Variants in AFG1L observed in about 807,000 individuals in gnomAD.
The protein encoded by AFG1L is AFG1 like ATPase.
In AFG1L, 53 loss-of-function variants were observed where a neutral mutation model predicts 62.2. The ratio of observed to expected loss-of-function variants is 0.85; its 90% CI spans 0.68 to 1.07. The LOEUF (loss-of-function observed/expected upper bound fraction) is 1.07. Ranked by LOEUF, AFG1L falls within the 50% of genes least tolerant of loss-of-function variation. The pLI is 0.00. For synonymous variants in AFG1L, 228 were observed against 210.3 expected (o/e 1.08, Z -0.73); for missense variants, 555 against 590.5 (o/e 0.94, Z 0.62).
At chr6:108,499,123 C>T (rs559954417) in intron 10 of AFG1L, among the ~76,000 whole-genome samples, 17 of 148,390 alleles carry the variant, frequency 1.1e-4, no homozygotes, top group Admixed American at 2.0e-4. Context: ...GGCTGGAGTA[C>T]AGTGGCGCCA....
chr6:108,451,590 G>A (rs1772056093), intron 8 of AFG1L, among the ~76,000 whole-genome samples: 1 of 152,174 alleles, frequency 6.6e-6, no homozygotes, highest in South Asian at 2.1e-4. Flanking sequence ...ACAAAACAGA[G>A]ACCTTGATTG....
At chr6:108,491,955 C>A (rs547049141) in intron 10 of AFG1L, among the ~76,000 whole-genome samples, 2 of 152,106 alleles carry the variant, frequency 1.3e-5, no homozygotes, top group South Asian at 4.2e-4. Context: ...TGGACTCTCA[C>A]AAAGAAAGCA....
At chr6:108,310,771 C>T (rs1447434729) in intron 1 of AFG1L, among the ~76,000 whole-genome samples, 2 of 151,912 alleles carry the variant, frequency 1.3e-5, no homozygotes, top group Non-Finnish European at 2.9e-5. Flanking sequence ...GATGGGGTTT[C>T]GCCATGTTGG....
At chr6:108,382,491 A>G (rs561874799) in intron 6 of AFG1L, among the ~76,000 whole-genome samples, 1 of 152,318 alleles carries the variant, frequency 6.6e-6, no homozygotes, top group South Asian at 2.1e-4. Flanking sequence ...CACACATACT[A>G]ATTTTAATTT....
At chr6:108,313,375 C>T (rs372702366) in intron 1 of AFG1L, among the ~76,000 whole-genome samples, 2 of 152,150 alleles carry the variant, frequency 1.3e-5, no homozygotes, top group South Asian at 4.2e-4. Context: ...TTGTGAAGAT[C>T]GAATCAGTTA....
intron 8 of AFG1L, among the ~76,000 whole-genome samples, chr6:108,476,479 C>T (rs1196379411): frequency 6.6e-6 from 1 of 152,108 alleles, no homozygotes; most frequent in East Asian, 1.9e-4. Flanking sequence ...TCACATGTAC[C>T]CTCTCAGTAG....
intron 5 of AFG1L, among the ~76,000 whole-genome samples, chr6:108,364,312 G>C (rs1779666161): frequency 6.6e-6 from 1 of 152,198 alleles, no homozygotes; most frequent in Non-Finnish European, 1.5e-5. Context: ...ATTAGTCATA[G>C]CTTCTCCAAG....
At chr6:108,416,272 C>T (rs1770267838) in intron 7 of AFG1L, among the ~76,000 whole-genome samples, 1 of 152,142 alleles carries the variant, frequency 6.6e-6, no homozygotes, top group African/African-American at 2.4e-5. Context: ...AGTCAGGAAA[C>T]AACAGGTGCT....
chr6:108,400,847 GCAAATATATATAATATATAAAATA>G (rs1781564156), intron 6 of AFG1L, among the ~76,000 whole-genome samples: 1 of 21,772 alleles, frequency 4.6e-5, no homozygotes, highest in African/African-American at 4.7e-4. Context: ...TATATATAAT[GCAAATATATATAATATATAAAATA>G]TATATTTATA....
intron 11 of AFG1L, among the ~76,000 whole-genome samples, chr6:108,512,070 G>A (rs1256074831): frequency 6.6e-6 from 1 of 152,178 alleles, no homozygotes; most frequent in Non-Finnish European, 1.5e-5. Flanking sequence ...AGAACCATGT[G>A]GCCTACTTAA....
At chr6:108,491,509 T>C (rs1773779984) in intron 10 of AFG1L, among the ~76,000 whole-genome samples, 1 of 152,120 alleles carries the variant, frequency 6.6e-6, no homozygotes, top group Admixed American at 6.6e-5. Context: ...AGGGCAAAAA[T>C]AGTACTTTAC....
In AFG1L at chr6:108,522,295, A is replaced by G. The variant is rs779217562; in HGVS notation, c.1318-2A>G. Reference sequence around the variant, plus strand: ...ATTTTAATTTCTTTGTTTTATAACCAGGATTCAGCAGAAGGACTCTCCATG... The same window carrying G: ...ATTTTAATTTCTTTGTTTTATAACCGGGATTCAGCAGAAGGACTCTCCATG... On this transcript the variant is annotated splice_acceptor_variant, in intron 12 of 12. Transcript: ENST00000368977. LOFTEE classifies it high-confidence loss of function. The G allele has an allele frequency of 1.2e-6, 2 of 1,612,400 alleles. No homozygotes were observed. The highest frequency in any genetic ancestry group is 1.7e-6 in the Non-Finnish European group (2 of 1,179,278).
chr6:108,509,465 G>T (rs1173390806), intron 10 of AFG1L, among the ~76,000 whole-genome samples: 1 of 152,168 alleles, frequency 6.6e-6, no homozygotes, highest in Non-Finnish European at 1.5e-5. Flanking sequence ...CAAAATGGTG[G>T]CATAATCTTC....
At chr6:108,340,364 A>G (rs1303541788) in intron 2 of AFG1L, among the ~76,000 whole-genome samples, 2 of 110,340 alleles carry the variant, frequency 1.8e-5, no homozygotes, top group African/African-American at 3.3e-5. Flanking sequence ...TTATAATTTC[A>G]GTGTTTTTTT....
intron 10 of AFG1L, among the ~76,000 whole-genome samples, chr6:108,491,731 C>G (rs924956246): frequency 6.6e-6 from 1 of 152,120 alleles, no homozygotes; most frequent in Non-Finnish European, 1.5e-5. Context: ...GGGCTTGGCC[C>G]TTTATTCCAG....
rs993188418 is a variant in AFG1L at position 108,524,096 on chromosome 6, A to G, written c.*1671A>G. 3.9e-5 allele frequency: 6 copies of G among 152,212 alleles called. No homozygotes were observed. Among genetic ancestry groups the G allele is most frequent in the African/African-American group, 1.4e-4 (6 of 41,460 alleles). 9.4% of individuals were successfully genotyped at this position (152,212 alleles called of 1,614,324 possible). A position where few individuals can be genotyped will look rare whatever the true frequency, so the allele number is the denominator to read the frequency against. ...ACAAAACTCATATACTATATTTTAT[A>G]ACACACTGTCTCTTACTCTTACTAT... is the stretch of plus-strand genomic sequence containing the variant. On this transcript the variant is annotated 3_prime_UTR_variant, in exon 13 of 13. Coordinates refer to ENST00000368977, the MANE Select transcript of AFG1L (RefSeq NM_145315.5).
chr6:108,410,657 A>G (rs1182159127), intron 7 of AFG1L, among the ~76,000 whole-genome samples: 1 of 152,174 alleles, frequency 6.6e-6, no homozygotes, highest in Non-Finnish European at 1.5e-5. Flanking sequence ...AAATGGAGAT[A>G]TTGTGGTAAG....
At chr6:108,405,822 G>A (rs1044206837) in intron 7 of AFG1L, among the ~76,000 whole-genome samples, 1 of 152,074 alleles carries the variant, frequency 6.6e-6, no homozygotes, top group Non-Finnish European at 1.5e-5. Flanking sequence ...CCACCATTCT[G>A]CTGTCTGCCT....
At chr6:108,431,919 G>A (rs927742081) in intron 7 of AFG1L, among the ~76,000 whole-genome samples, 4 of 151,110 alleles carry the variant, frequency 2.6e-5, no homozygotes, top group Non-Finnish European at 4.4e-5. Flanking sequence ...TAGAGTGATG[G>A]TGTCTTTGAA....
Sources: allele counts gnomAD v4.1 joint callset (sites outside exome capture counted in the v4.1 genomes callset), GRCh38; gene constraint gnomAD v4.1.1; transcripts MANE v1.5; gene names NCBI Gene and HGNC (gene_info 2026-07-23, HGNC 2026-07-21).